The following APC variants were observed in gnomAD, a reference collection of about 807,000 sequenced individuals.
APC encodes APC regulator of Wnt signaling pathway.
A neutral mutation model predicts 247.0 loss-of-function variants in APC; 72 were observed. The observed-to-expected ratio is 0.29, with a 90% CI of 0.24 to 0.35. The LOEUF (loss-of-function observed/expected upper bound fraction) is 0.35, where lower values mean the gene tolerates loss of function less well. Among genes scored for constraint, APC ranks in the 10% least tolerant of loss-of-function variants. The pLI, the probability that APC is intolerant of heterozygous loss-of-function variation, is 1.00. For missense variants in APC, 3,400 were observed against 3,360.7 expected, an observed-to-expected ratio of 1.01 and a Z score of -0.29; for synonymous variants, 1,254 against 1,162.5, an observed-to-expected ratio of 1.08 and a Z score of -1.60.
At chr5:112,721,737 T>C (rs1253064788) in intron 1 of APC, among the ~76,000 whole-genome samples, 3 of 152,180 alleles carry the variant, frequency 2.0e-5, no homozygotes. Flanking sequence ...GAAGTGATAA[T>C]TGGATGCAAG....
intron 1 of APC, among the ~76,000 whole-genome samples, chr5:112,710,159 G>A (rs116674190): frequency 0.011 from 1,671 of 152,130 alleles, 22 homozygotes; most frequent in Non-Finnish European, 0.013. Context: ...AATAAGCCTC[G>A]CTAGCTTTAC....
In APC at chr5:112,771,999, T is replaced by C. The variant is rs116495426; in HGVS notation, c.423-3630T>C. Among the ~76,000 whole-genome samples the C allele has an allele frequency of 8.2e-4, 125 of 152,296 alleles. 1 individual carries two copies. Among genetic ancestry groups the C allele is most frequent in the Middle Eastern group, 3.4e-3 (1 of 294 alleles). On this transcript the variant is annotated intron_variant, in intron 4 of 15. Coordinates refer to ENST00000257430, the MANE Select transcript of APC (RefSeq NM_000038.6). ...GATATCATGAGGATTAAATTAGATT[T>C]TTTTAAAGTCCTTAGCACTATGCCC... is the stretch of plus-strand genomic sequence containing the variant.
chr5:112,737,692 C>A (rs1254561416), upstream of APC, among the ~76,000 whole-genome samples: 1 of 152,258 alleles, frequency 6.6e-6, no homozygotes, highest in African/African-American at 2.4e-5. Flanking sequence ...TAGGGCTAGG[C>A]AGGCTGTGCG....
chr5:112,708,165 G>T (rs1157738437), intron 1 of APC, among the ~76,000 whole-genome samples: 1 of 152,302 alleles, frequency 6.6e-6, no homozygotes, highest in East Asian at 1.9e-4. Flanking sequence ...CCCCATTCGC[G>T]TTAGGTGGGT....
At chr5:112,711,470 G>A (rs1433329741) in intron 1 of APC, among the ~76,000 whole-genome samples, 1 of 152,178 alleles carries the variant, frequency 6.6e-6, no homozygotes, top group Non-Finnish European at 1.5e-5. Context: ...AGATTTCTTG[G>A]CTTTTCTGCA....
intron 6 of APC, among the ~76,000 whole-genome samples, chr5:112,789,016 A>C (rs1759288496): frequency 6.6e-6 from 1 of 152,170 alleles, no homozygotes; most frequent in African/African-American, 2.4e-5. Context: ...CTAAAATTTC[A>C]CAGTTAAGTG....
rs1057521935 is a variant in APC at position 112,828,876 on chromosome 5, G to A, written c.1647G>A (p.Arg549=). The change falls in exon 14 of 16, where the codon AGG becomes AGA. Residue 549 remains arginine, a synonymous_variant. Transcript: ENST00000257430. ...DLQQVIASVL[R]NLSWRADVNS... ...TGCAGGTTATTGCGAGTGTTTTGAG[G>A]AATTTGTCTTGGCGAGCAGATGTAA... 1.2e-6 allele frequency: 2 copies of A among 1,613,364 alleles called. No homozygotes were observed. Among genetic ancestry groups the A allele is most frequent in the Non-Finnish European group, 1.7e-6 (2 of 1,179,406 alleles).
intron 3 of APC, among the ~76,000 whole-genome samples, chr5:112,766,877 A>C (rs1024602505): frequency 6.6e-6 from 1 of 152,218 alleles, no homozygotes; most frequent in Non-Finnish European, 1.5e-5. Flanking sequence ...TGAAAATTCC[A>C]GTGTCAGAAC....
intron 6 of APC, among the ~76,000 whole-genome samples, chr5:112,791,569 C>T (rs568467354): frequency 6.6e-6 from 1 of 152,060 alleles, no homozygotes. Flanking sequence ...TGCCTGAGGA[C>T]CTGAGGTGGA....
intron 7 of APC, among the ~76,000 whole-genome samples, chr5:112,795,006 C>G (rs746832195): frequency 2.6e-5 from 4 of 152,130 alleles, no homozygotes; most frequent in Admixed American, 6.6e-5. Flanking sequence ...AGGCATGTCA[C>G]TCTTCTAGCA....
chr5:112,769,008 T>C (rs1756702084), intron 4 of APC, among the ~76,000 whole-genome samples: 1 of 151,900 alleles, frequency 6.6e-6, no homozygotes, highest in Non-Finnish European at 1.5e-5. Flanking sequence ...GTATTTACTT[T>C]TTACTTCTGT....
In APC at chr5:112,838,028, G is replaced by C. The variant is rs761178697; in HGVS notation, c.2434G>C (p.Asp812His). ...CAATCGACATGATGATAATAGGTCA[G>C]ACAATTTTAATACTGGCAACATGAC... is the stretch of plus-strand genomic sequence containing the variant. ...DTNRHDDNRS[D>H]NFNTGNMTVL... is the part of the protein sequence containing the mutation. The change falls in exon 16 of 16, where the codon GAC (aspartate) becomes CAC (histidine). Residue 812 changes from aspartate to histidine, a missense_variant. By Grantham distance (81) the Asp-to-His change is moderately conservative. Transcript: ENST00000257430. 3.1e-6 allele frequency: 5 copies of C among 1,614,118 alleles called. No individual in the cohort carries two copies. Among genetic ancestry groups the C allele is most frequent in the East Asian group, 4.5e-5 (2 of 44,882 alleles).
chr5:112,737,155 A>G (rs1752442594), upstream of APC, among the ~76,000 whole-genome samples: 1 of 152,228 alleles, frequency 6.6e-6, no homozygotes, highest in South Asian at 2.1e-4. Flanking sequence ...AGCTAACAGC[A>G]CTTCTATGTA....
intron 1 of APC, among the ~76,000 whole-genome samples, chr5:112,731,843 C>T (rs571734520): frequency 2.0e-5 from 3 of 152,300 alleles, no homozygotes; most frequent in East Asian, 3.9e-4. Context: ...TTCACTGCAG[C>T]CTCTGCCTCC....
At chr5:112,784,018 G>A (rs1758672071) in intron 6 of APC, among the ~76,000 whole-genome samples, 1 of 151,878 alleles carries the variant, frequency 6.6e-6, no homozygotes, top group Non-Finnish European at 1.5e-5. Context: ...TGCAGTATTA[G>A]CAAGGGTGTG....
At chr5:112,807,065 T>A (rs911097035) in intron 8 of APC, among the ~76,000 whole-genome samples, 1 of 150,504 alleles carries the variant, frequency 6.6e-6, no homozygotes, top group Non-Finnish European at 1.5e-5. Context: ...CCTAGGAGGC[T>A]GAGGTTGCAG....
In APC at chr5:112,792,457, C is replaced by A. The variant is rs2149684115; in HGVS notation, c.657C>A (p.Ala219=). 1 of 1,609,466 alleles carries A rather than the reference C, an allele frequency of 6.2e-7. No homozygotes were observed. The highest frequency in any genetic ancestry group is 8.5e-7 in the Non-Finnish European group (1 of 1,177,446). The change falls in exon 7 of 16, where the codon GCC becomes GCA. Residue 219 remains alanine (A), a synonymous_variant. Transcript: ENST00000257430. ...DMEKRAQRRI[A]RIQQIEKDIL... ...TTGTTTTATTTTAGCGAAGAATAGC[C>A]AGAATTCAGCAAATCGAAAAGGACA...
In APC at chr5:112,843,078, C is replaced by T. The variant is rs1766490452; in HGVS notation, c.7484C>T (p.Thr2495Ile). The T allele has an allele frequency of 6.2e-7, 1 of 1,614,034 alleles. No individual in the cohort carries two copies. The highest frequency in any genetic ancestry group is 8.5e-7 in the Non-Finnish European group (1 of 1,179,878). ...SPSLPDMSLS[T>I]HSSVQAGGWR... ...TCCCTTCCTGATATGTCTCTATCCA[C>T]ACATTCGTCTGTTCAGGCTGGTGGA... Residue 2495 changes from threonine (T) to isoleucine (I), a missense_variant, in exon 16 of 16, where the codon ACA becomes ATA. Around this residue, in one of 9 missense-constraint regions of APC, gnomAD observed 1,788 missense variants for 1,649.5 expected, o/e 1.08. Coordinates refer to ENST00000257430, the MANE Select transcript of APC (RefSeq NM_000038.6). This position sits in a 1 kb window ranked among gnomAD's most constrained non-coding sequence, Gnocchi z 4.8.
upstream of APC, chr5:112,737,788 A>T: frequency 1.4e-5 from 13 of 949,344 alleles, no homozygotes; most frequent in Non-Finnish European, 1.6e-5. Flanking sequence ...GATGCGGACC[A>T]GGGCGCTCCC....
Sources: gnomAD v4.1 joint callset for allele counts (sites outside exome capture counted in the v4.1 genomes callset) on GRCh38, gnomAD v4.1.1 for gene constraint, gnomAD v4.1.1 regional missense constraint, Gnocchi (gnomAD v3.1) non-coding constraint, MANE v1.5 for transcripts, NCBI Gene and HGNC (gene_info 2026-07-23, HGNC 2026-07-21) for gene names.